The following GPC6 variants were observed in gnomAD, a reference collection of about 807,000 sequenced individuals.
The protein encoded by GPC6 is glypican-6.
In GPC6, 14 loss-of-function variants were observed where a neutral mutation model predicts 55.2. That is an observed-to-expected ratio of 0.25 (90% CI 0.17 to 0.40). GPC6 has a LOEUF of 0.40. Among genes scored for constraint, GPC6 ranks in the 10% least tolerant of loss-of-function variants. The probability of loss-of-function intolerance (pLI) is 1.00; values close to 1 mark genes in which losing one functional copy is unlikely to be tolerated. For missense variants in GPC6, 641 were observed against 708.5 expected (o/e 0.90, Z 1.08); for synonymous variants, 278 against 259.6 (o/e 1.07, Z -0.68).
intron 2 of GPC6, among the ~76,000 whole-genome samples, chr13:93,771,194 G>T (rs182652219): frequency 6.6e-6 from 1 of 152,022 alleles, no homozygotes; most frequent in Non-Finnish European, 1.5e-5. Flanking sequence ...AAATTAAGTT[G>T]CATACAAGGT....
At chr13:93,328,166 G>C (rs1222825344) in intron 1 of GPC6, among the ~76,000 whole-genome samples, 1 of 151,880 alleles carries the variant, frequency 6.6e-6, no homozygotes, top group Non-Finnish European at 1.5e-5. Context: ...AAGACTTAAA[G>C]CAAATTCCCA....
intron 6 of GPC6, among the ~76,000 whole-genome samples, chr13:94,376,997 A>G (rs1240761131): frequency 1.3e-5 from 2 of 151,960 alleles, no homozygotes; most frequent in African/African-American, 4.8e-5. Context: ...GGCTAGCCAT[A>G]TGTAGAAAGC....
rs1299270328 is a variant in GPC6, at chr13:93,979,308, TG to T, written c.712-48420del. 2.3e-4 allele frequency among the ~76,000 whole-genome samples: 35 copies of T among 150,998 alleles called. 1 individual carries two copies. Among genetic ancestry groups the T allele is most frequent in the African/African-American group, 7.1e-4 (29 of 40,832 alleles). ...GTGTGTGTGTGTGTGTGTGTGTGTG[TG>T]TGTGTGTGTTTGTGTGTGTTTTTTT... On this transcript the variant is annotated intron_variant, in intron 3 of 8. Coordinates refer to ENST00000377047, the MANE Select transcript of GPC6 (RefSeq NM_005708.5).
At chr13:94,373,520 A>G (rs1879688552) in intron 6 of GPC6, among the ~76,000 whole-genome samples, 1 of 152,208 alleles carries the variant, frequency 6.6e-6, no homozygotes, top group Non-Finnish European at 1.5e-5. Flanking sequence ...GAGAAAAAAG[A>G]ATAAAAAGAA....
chr13:94,270,483 A>C (rs937577187), intron 4 of GPC6, among the ~76,000 whole-genome samples: 1 of 152,232 alleles, frequency 6.6e-6, no homozygotes, highest in Admixed American at 6.5e-5. Context: ...AACATTGCAT[A>C]CATAGCCTGA....
chr13:93,665,401 T>C (rs751098775), intron 2 of GPC6, among the ~76,000 whole-genome samples: 1 of 152,184 alleles, frequency 6.6e-6, no homozygotes, highest in Non-Finnish European at 1.5e-5. Flanking sequence ...TTTCTACATA[T>C]ATTAATATAG....
At chr13:93,730,625 T>C (rs1160979660) in intron 2 of GPC6, among the ~76,000 whole-genome samples, 5 of 152,220 alleles carry the variant, frequency 3.3e-5, no homozygotes, top group Non-Finnish European at 7.3e-5. Flanking sequence ...CTCTGGTTGA[T>C]ATGTGCTTCA....
intron 1 of GPC6, among the ~76,000 whole-genome samples, chr13:93,326,995 A>G (rs567972571): frequency 2.0e-4 from 30 of 152,334 alleles, no homozygotes; most frequent in African/African-American, 6.3e-4. Context: ...GCCTCGCTAG[A>G]CAAAACAGTT....
At chr13:93,391,242 AC>A (rs1204273112) in intron 1 of GPC6, among the ~76,000 whole-genome samples, 2 of 152,206 alleles carry the variant, frequency 1.3e-5, no homozygotes, top group Non-Finnish European at 2.9e-5. Flanking sequence ...ATCCTCTCCT[AC>A]AAGTCTAATA....
intron 4 of GPC6, among the ~76,000 whole-genome samples, chr13:94,238,843 C>T (rs1400202675): frequency 2.0e-5 from 3 of 151,704 alleles, no homozygotes; most frequent in Non-Finnish European, 4.4e-5. Context: ...GGGAGAATCT[C>T]GATATAAATA....
chr13:93,583,484 T>C (rs1877041948), intron 2 of GPC6, among the ~76,000 whole-genome samples: 1 of 152,190 alleles, frequency 6.6e-6, no homozygotes, highest in Admixed American at 6.5e-5. Context: ...AGTGGCGCGA[T>C]ATCGGCTCAC....
chr13:94,065,598 T>A (rs923859190), intron 4 of GPC6, among the ~76,000 whole-genome samples: 1 of 152,212 alleles, frequency 6.6e-6, no homozygotes, highest in Admixed American at 6.5e-5. Context: ...TTCCTTAACA[T>A]TCATGTACAG....
intron 3 of GPC6, among the ~76,000 whole-genome samples, chr13:94,003,945 C>T (rs1293447452): frequency 6.6e-6 from 1 of 152,122 alleles, no homozygotes; most frequent in African/African-American, 2.4e-5. Flanking sequence ...ATGTGTCATT[C>T]AAAAACTATA....
At chr13:93,648,845 A>G (rs1261741133) in intron 2 of GPC6, among the ~76,000 whole-genome samples, 2 of 152,048 alleles carry the variant, frequency 1.3e-5, no homozygotes, top group African/African-American at 2.4e-5. Flanking sequence ...CGCAAAACTT[A>G]TTTTTTCTTC....
chr13:93,554,233 C>A (rs1160123909), intron 2 of GPC6, among the ~76,000 whole-genome samples: 1 of 151,844 alleles, frequency 6.6e-6, no homozygotes, highest in Non-Finnish European at 1.5e-5. Flanking sequence ...ACATACGGAA[C>A]AATGTCAGCG....
chr13:93,437,339 G>A (rs1218036035), intron 1 of GPC6, among the ~76,000 whole-genome samples: 2 of 152,178 alleles, frequency 1.3e-5, no homozygotes, highest in Admixed American at 6.5e-5. Context: ...ATTAAGCTTA[G>A]TGAGGAAGGC....
At chr13:94,162,478 G>A (rs1888202268) in intron 4 of GPC6, among the ~76,000 whole-genome samples, 1 of 152,208 alleles carries the variant, frequency 6.6e-6, no homozygotes, top group Non-Finnish European at 1.5e-5. Flanking sequence ...CCAGCCCTGT[G>A]ACACACTCAG....
At chr13:93,927,405 G>T (rs577146237) in intron 3 of GPC6, among the ~76,000 whole-genome samples, 1 of 152,078 alleles carries the variant, frequency 6.6e-6, no homozygotes, top group Admixed American at 6.5e-5. Context: ...AGGTTAACTT[G>T]GTTATATAGT....
chr13:94,336,787 G>A lies in GPC6; in HGVS notation c.1152+30664G>A, dbSNP rs142203180. ...CAAAATCATTGAATTTATGTTTACA[G>A]AAGGAAAAAAAAATCATTTGCGAAG... On this transcript the variant is annotated intron_variant, in intron 6 of 8. Transcript: ENST00000377047. Among the ~76,000 whole-genome samples, 53 of 151,980 alleles carry A rather than the reference G, an allele frequency of 3.5e-4. No homozygotes were observed. In the East Asian group the frequency reaches 9.5e-3, roughly 27 times the overall value.
Sources: gnomAD v4.1 joint callset for allele counts (sites outside exome capture counted in the v4.1 genomes callset) on GRCh38, gnomAD v4.1.1 for gene constraint, MANE v1.5 for transcripts, NCBI Gene and HGNC (gene_info 2026-07-23, HGNC 2026-07-21) for gene names.